RBBP4: variants seen among roughly 807,000 people sequenced by gnomAD.
The protein encoded by RBBP4 is RB binding protein 4, chromatin remodeling factor.
In RBBP4, 3 loss-of-function variants were observed where a neutral mutation model predicts 57.2. The observed-to-expected ratio is 0.05, with a 90% confidence interval of 0.02 to 0.14. RBBP4 has a LOEUF of 0.14. Ranked by LOEUF, RBBP4 falls within the 10% of genes least tolerant of loss-of-function variation. RBBP4 has a pLI of 1.00. For synonymous variants in RBBP4, 151 were observed against 171.5 expected, an observed-to-expected ratio of 0.88 and a Z score of 0.93; for missense variants, 107 against 520.6, an observed-to-expected ratio of 0.21 and a Z score of 7.73.
chr1:32,651,883 G>A (rs1201552171), intron 1 of RBBP4, 31 bp from the exon 2 acceptor site: 20 of 1,608,276 alleles, frequency 1.2e-5, no homozygotes, highest in East Asian at 2.2e-5. Context: ...CCGTTTGTTT[G>A]CTAACTTAAA....
At chr1:32,679,553 T>A in intron 11 of RBBP4, 87 bp from the exon 12 acceptor site, 1 of 1,230,116 alleles carries the variant, frequency 8.1e-7, no homozygotes, top group Admixed American at 2.6e-5. Flanking sequence ...GTATTTACTC[T>A]CTGGCTTCCT....
At position 32,662,174 on chromosome 1, in the gene RBBP4, G is replaced by A. The variant is rs1027932463; in HGVS notation, c.310+4602G>A. 1.1e-4 allele frequency: 32 copies of A among 299,320 alleles called. 1 individual carries two copies. Among genetic ancestry groups the A allele is most frequent in the South Asian group, 4.1e-4 (16 of 38,580 alleles). 18.5% of individuals were successfully genotyped at this position (299,320 alleles called of 1,614,324 possible). ...GCTGGGATTACAGGCTTGAGCCACCGCGCCCGGGTTTTTTTGTTTTTTTGG... is the reference window on the plus strand; with the variant it reads ...GCTGGGATTACAGGCTTGAGCCACCACGCCCGGGTTTTTTTGTTTTTTTGG... On this transcript the variant is annotated intron_variant, in intron 3 of 11. Coordinates refer to ENST00000373493, the MANE Select transcript of RBBP4 (RefSeq NM_005610.3).
chr1:32,678,268 C>T (rs1469417093), intron 11 of RBBP4, among the ~76,000 whole-genome samples: 1 of 152,176 alleles, frequency 6.6e-6, no homozygotes, highest in Non-Finnish European at 1.5e-5. Flanking sequence ...GTCTTGCCCC[C>T]CAGGCTGGAG....
At chr1:32,653,848 C>T (rs1301213079) in intron 2 of RBBP4, among the ~76,000 whole-genome samples, 1 of 151,288 alleles carries the variant, frequency 6.6e-6, no homozygotes, top group Non-Finnish European at 1.5e-5. Context: ...TTAGTAGAGC[C>T]GGGGTTTCAC....
intron 3 of RBBP4, among the ~76,000 whole-genome samples, chr1:32,663,876 T>C (rs1164130148): frequency 2.0e-5 from 3 of 151,708 alleles, no homozygotes; most frequent in South Asian, 2.1e-4. Context: ...ACGCCTGGCC[T>C]TGAAATGTTT....
chr1:32,654,457 T>C (rs908098991), intron 2 of RBBP4, among the ~76,000 whole-genome samples: 4 of 152,248 alleles, frequency 2.6e-5, no homozygotes, highest in African/African-American at 9.6e-5. Flanking sequence ...AGTCATATGC[T>C]AAATTGTGCT....
chr1:32,651,259 C>T lies in RBBP4; in HGVS notation c.-48C>T, dbSNP rs1383789303. ...AGCGAGCTCTTGCAGCCTCCCCGCC[C>T]CTCCCGCAACGCTCGACCCCAGGAT... On this transcript the variant is annotated 5_prime_UTR_variant, in exon 1 of 12. Transcript: ENST00000373493. 7 of 1,507,292 alleles carry T rather than the reference C, an allele frequency of 4.6e-6. No homozygotes were observed. Among genetic ancestry groups the T allele is most frequent in the East Asian group, 2.8e-5 (1 of 35,960 alleles). 93.4% of individuals were successfully genotyped at this position (1,507,292 alleles called of 1,614,324 possible). A position where few individuals can be genotyped will look rare whatever the true frequency, so the allele number is the denominator to read the frequency against.
chr1:32,657,897 G>C (rs866253306), intron 3 of RBBP4, among the ~76,000 whole-genome samples: 2 of 152,226 alleles, frequency 1.3e-5, no homozygotes, highest in African/African-American at 4.8e-5. Context: ...CTATTGCCTA[G>C]GTTGGAGTGT....
At chr1:32,651,617 C>T (rs1401962476) in intron 1 of RBBP4, 2 of 855,300 alleles carry the variant, frequency 2.3e-6, no homozygotes, top group African/African-American at 1.7e-5. Context: ...CCGCTTCCTA[C>T]CCACAAGGCT....
rs572892251 is a variant in RBBP4 at position 32,671,760 on chromosome 1, G to T, written c.967-690G>T. On this transcript the variant is annotated intron_variant, in intron 8 of 11. Coordinates refer to ENST00000373493, the MANE Select transcript of RBBP4 (RefSeq NM_005610.3). ...ATACAAAAATTAGCTGGCCGTGGTG[G>T]CGGACACCTGTAATCCCAGCTACCT... Among the ~76,000 whole-genome samples, 13 of 151,884 alleles carry T rather than the reference G, an allele frequency of 8.6e-5. No individual in the cohort carries two copies. In the South Asian group the frequency reaches 2.7e-3, roughly 32 times the overall value.
intron 3 of RBBP4, among the ~76,000 whole-genome samples, chr1:32,658,859 CAT>C (rs1188905835): frequency 1.3e-5 from 2 of 151,234 alleles, no homozygotes; most frequent in Non-Finnish European, 2.9e-5. Context: ...TGTAAAACTA[CAT>C]ATATGTGTGT....
In RBBP4 at chr1:32,669,815, C is replaced by T. The variant is rs1170909538; in HGVS notation, c.966+252C>T. ...TGAGGCAGGAGAATGGCATGAAACC[C>T]GGGAGGCAGAGGTTGCAGTGAGCCG... On this transcript the variant is annotated intron_variant, in intron 8 of 11. Transcript: ENST00000373493. This position sits in a 1 kb window ranked among gnomAD's most constrained non-coding sequence, Gnocchi z 4.9. Among the ~76,000 whole-genome samples, 10 of 152,064 alleles carry T rather than the reference C, an allele frequency of 6.6e-5. No homozygotes were observed. The East Asian group carries it at 1.9e-3, about 29-fold the overall frequency.
At chr1:32,655,340 TTG>T (rs1182458909) in intron 2 of RBBP4, among the ~76,000 whole-genome samples, 5 of 152,244 alleles carry the variant, frequency 3.3e-5, no homozygotes, top group South Asian at 4.1e-4. Flanking sequence ...GTGTTTACTT[TTG>T]TGTGTGTTCT....
chr1:32,678,470 G>A (rs1018131004), intron 11 of RBBP4, among the ~76,000 whole-genome samples: 3 of 150,166 alleles, frequency 2.0e-5, no homozygotes, highest in African/African-American at 7.4e-5. Context: ...CAGGTGATAC[G>A]CCTGCCTTGG....
chr1:32,680,739 G>T lies in RBBP4; in HGVS notation c.*1034G>T. ...TAGAAGAGTCCTTCAGATGACAGTT[G>T]TTGTCCATGGTCTTTGACTATCAAG... On this transcript the variant is annotated 3_prime_UTR_variant, in exon 12 of 12. Transcript: ENST00000373493. The T allele has an allele frequency of 1.8e-6, 1 of 541,276 alleles. No homozygotes were observed. Among genetic ancestry groups the T allele is most frequent in the Non-Finnish European group, 3.3e-6 (1 of 305,700 alleles). The allele number at this position is 541,276 out of a possible 1,614,324, so 33.5% of individuals were successfully genotyped here.
intron 3 of RBBP4, among the ~76,000 whole-genome samples, chr1:32,664,225 A>C (rs1163920095): frequency 6.6e-6 from 1 of 152,168 alleles, no homozygotes; most frequent in Admixed American, 6.5e-5. Context: ...ATAAGTTCTG[A>C]TAACCCAGTA....
At chr1:32,670,792 G>T (rs1216135469) in intron 8 of RBBP4, among the ~76,000 whole-genome samples, 2 of 152,178 alleles carry the variant, frequency 1.3e-5, no homozygotes, top group Non-Finnish European at 2.9e-5. Context: ...TATAATAAAA[G>T]ATTTTGTCAA....
Position 32,682,363 on chromosome 1 carries a change from T to C in RBBP4, c.*2658T>C, listed in dbSNP as rs1649495652. On this transcript the variant is annotated 3_prime_UTR_variant, in exon 12 of 12. Transcript: ENST00000373493. ...TTGAACCCAGGAGGCAGAGTTGCAG[T>C]GAGCCAAGATCGTGCCACTACTCCA... 1 of 152,560 alleles carries C rather than the reference T, an allele frequency of 6.6e-6. No homozygotes were observed. The highest frequency in any genetic ancestry group is 1.5e-5 in the Non-Finnish European group (1 of 68,524). The allele number at this position is 152,560 out of a possible 1,614,324, so 9.5% of individuals were successfully genotyped here. A position where few individuals can be genotyped will look rare whatever the true frequency, so the allele number is the denominator to read the frequency against.
rs781158500 is a variant in RBBP4, at chr1:32,681,879, AAGTTTATAAC to A, written c.*2178_*2187del. ...ACAGCCCCTGTAAAGTTGAAAGAAA[AAGTTTATAAC>A]AGTGAACTTCTGAGGTTTAGTTACT... On this transcript the variant is annotated 3_prime_UTR_variant, in exon 12 of 12. Coordinates refer to ENST00000373493, the MANE Select transcript of RBBP4 (RefSeq NM_005610.3). 111 of 1,612,232 alleles carry A rather than the reference AAGTTTATAAC, an allele frequency of 6.9e-5. No homozygotes were observed. The highest frequency in any genetic ancestry group is 8.9e-5 in the Non-Finnish European group (105 of 1,178,418).
Sources: gnomAD v4.1 joint callset for allele counts (sites outside exome capture counted in the v4.1 genomes callset) on GRCh38, gnomAD v4.1.1 for gene constraint, Gnocchi (gnomAD v3.1) non-coding constraint, MANE v1.5 for transcripts, NCBI Gene and HGNC (gene_info 2026-07-23, HGNC 2026-07-21) for gene names.